Variants in FLT3 observed in about 807,000 individuals in gnomAD.
FLT3 encodes fms related receptor tyrosine kinase 3.
In FLT3, 46 loss-of-function variants were observed where a neutral mutation model predicts 126.6. The observed-to-expected ratio is 0.36, with a 90% CI of 0.29 to 0.46. The LOEUF (loss-of-function observed/expected upper bound fraction) is 0.46. Ranked by LOEUF, FLT3 falls within the 20% of genes least tolerant of loss-of-function variation. The probability of loss-of-function intolerance (pLI) is 1.00; values close to 1 mark genes in which losing one functional copy is unlikely to be tolerated. For synonymous variants in FLT3, 404 were observed against 434.4 expected (o/e 0.93, Z 0.87); for missense variants, 1,069 against 1,190.3 (o/e 0.90, Z 1.50).
intron 10 of FLT3, among the ~76,000 whole-genome samples, 167 bp downstream of exon 10, chr13:28,037,018 T>C (rs1193607406): frequency 1.3e-5 from 2 of 152,132 alleles, no homozygotes; most frequent in African/African-American, 2.4e-5. Flanking sequence ...TAAAAAGATA[T>C]ATGATCAATG....
chr13:28,045,474 C>T (rs1382531287), intron 9 of FLT3, among the ~76,000 whole-genome samples: 1 of 152,104 alleles, frequency 6.6e-6, no homozygotes, highest in African/African-American at 2.4e-5. Flanking sequence ...AGAGAGGGGA[C>T]AGTGATATGC....
At chr13:28,041,521 A>T (rs117188311) in intron 9 of FLT3, among the ~76,000 whole-genome samples, 2,533 of 152,296 alleles carry the variant, frequency 0.017, 27 homozygotes, top group Non-Finnish European at 0.026. Context: ...CACTTGAAAC[A>T]TTTTTCACTC....
rs565255345 is a variant in FLT3, at chr13:28,004,024, A to G, written c.*28T>C. The G allele has an allele frequency of 4.3e-6, 7 of 1,613,696 alleles. No homozygotes were observed. Among genetic ancestry groups the G allele is most frequent in the East Asian group, 4.5e-5 (2 of 44,870 alleles). ...CAGCCTGTTAGGGATAGGTGGAGGG[A>G]TGAAGTCCTTAAAACTAAATTGTTC... On this transcript the variant is annotated 3_prime_UTR_variant, in exon 24 of 24. Coordinates refer to ENST00000241453, the MANE Select transcript of FLT3 (RefSeq NM_004119.3).
At chr13:28,060,466 TAAAAAAAAA>T (rs10629301) in intron 3 of FLT3, among the ~76,000 whole-genome samples, 1 of 135,356 alleles carries the variant, frequency 7.4e-6, no homozygotes, top group Admixed American at 7.9e-5. Flanking sequence ...TAAAAATATT[TAAAAAAAAA>T]AAAAAGAAAA....
At chr13:28,023,537 C>T in intron 18 of FLT3, 60 bp from the exon 19 acceptor site, 3 of 1,588,516 alleles carry the variant, frequency 1.9e-6, no homozygotes, top group Non-Finnish European at 2.6e-6. Context: ...CTTATTAAAT[C>T]TCTATGGGAA....
At chr13:28,068,593 T>G (rs1006285170) in intron 2 of FLT3, among the ~76,000 whole-genome samples, 1 of 152,074 alleles carries the variant, frequency 6.6e-6, no homozygotes, top group African/African-American at 2.4e-5. Context: ...ATCCCAACAC[T>G]TTGGGAGGCC....
intron 23 of FLT3, among the ~76,000 whole-genome samples, chr13:28,013,632 A>G (rs546927808): frequency 2.0e-5 from 3 of 152,322 alleles, no homozygotes; most frequent in South Asian, 4.1e-4. Context: ...AGATAATCTA[A>G]CTTAACAACC....
intron 4 of FLT3, among the ~76,000 whole-genome samples, chr13:28,055,780 AT>A (rs1875946593): frequency 6.6e-6 from 1 of 152,162 alleles, no homozygotes. Flanking sequence ...TGGCAAGAAA[AT>A]TTTAAAAGGA....
intron 12 of FLT3, 30 bp downstream of exon 12, chr13:28,035,465 G>C (rs759527795): frequency 3.1e-6 from 5 of 1,592,820 alleles, no homozygotes; most frequent in East Asian, 4.5e-5. Context: ...AATTCCTGAT[G>C]GTGGAATATC....
intron 3 of FLT3, among the ~76,000 whole-genome samples, chr13:28,061,451 C>T (rs1485616791): frequency 6.6e-6 from 1 of 152,022 alleles, no homozygotes; most frequent in East Asian, 1.9e-4. Flanking sequence ...TTCATTATTT[C>T]ACTGAAGATA....
chr13:28,048,019 G>C (rs2137722980), intron 9 of FLT3, among the ~76,000 whole-genome samples: 1 of 152,288 alleles, frequency 6.6e-6, no homozygotes, highest in Non-Finnish European at 1.5e-5. Context: ...AAATGCCAGA[G>C]AACCAGACTC....
At chr13:28,021,237 A>C (rs891452640) in intron 19 of FLT3, among the ~76,000 whole-genome samples, 1 of 152,118 alleles carries the variant, frequency 6.6e-6, no homozygotes, top group Admixed American at 6.5e-5. Flanking sequence ...AAAATACAAA[A>C]AAATTAGCCA....
At chr13:28,092,426 G>A (rs977659109) in intron 1 of FLT3, among the ~76,000 whole-genome samples, 1 of 151,930 alleles carries the variant, frequency 6.6e-6, no homozygotes, top group Non-Finnish European at 1.5e-5. Flanking sequence ...GAGTGCAGTG[G>A]CAGGATCATA....
chr13:28,052,770 C>T (rs2137742084), intron 4 of FLT3, 96 bp from the exon 5 acceptor site: 1 of 838,464 alleles, frequency 1.2e-6, no homozygotes, highest in Non-Finnish European at 1.8e-6. Context: ...GAAAAGTTCT[C>T]AACCATTACG....
At chr13:28,005,104 C>T (rs937529111) in intron 23 of FLT3, among the ~76,000 whole-genome samples, 8 of 152,108 alleles carry the variant, frequency 5.3e-5, no homozygotes, top group South Asian at 2.1e-4. Flanking sequence ...CCGAGGCGGG[C>T]GGATCACCTG....
chr13:28,058,477 A>G (rs1410000285), intron 3 of FLT3, among the ~76,000 whole-genome samples: 1 of 152,122 alleles, frequency 6.6e-6, no homozygotes, highest in African/African-American at 2.4e-5. Context: ...ATGCCATTGC[A>G]CTCCAGCCTG....
At chr13:28,058,601 C>G (rs1483518085) in intron 3 of FLT3, among the ~76,000 whole-genome samples, 6 of 152,210 alleles carry the variant, frequency 3.9e-5, no homozygotes, top group African/African-American at 1.4e-4. Context: ...CTTTCTCTAA[C>G]AGTGTTAGCA....
chr13:28,023,132 G>A (rs1872539553), intron 19 of FLT3, among the ~76,000 whole-genome samples: 1 of 152,192 alleles, frequency 6.6e-6, no homozygotes, highest in African/African-American at 2.4e-5. Context: ...TGTGCAGCCT[G>A]GGAGGGCTGT....
intron 3 of FLT3, among the ~76,000 whole-genome samples, chr13:28,058,534 TAATAA>T (rs777806838): frequency 6.6e-6 from 1 of 152,048 alleles, no homozygotes; most frequent in Non-Finnish European, 1.5e-5. Flanking sequence ...TAAAATAAAA[TAATAA>T]AATAAGTTCA....
Sources: gnomAD v4.1 joint callset for allele counts (sites outside exome capture counted in the v4.1 genomes callset) on GRCh38, gnomAD v4.1.1 for gene constraint, MANE v1.5 for transcripts, NCBI Gene and HGNC (gene_info 2026-07-23, HGNC 2026-07-21) for gene names.